The following CACNA1E variants were observed in gnomAD, a reference collection of about 807,000 sequenced individuals.
CACNA1E encodes calcium voltage-gated channel subunit alpha1 E.
Under a neutral mutation model 259.2 loss-of-function variants are expected in CACNA1E, and 40 were observed. The observed-to-expected ratio is 0.15, with a 90% CI of 0.12 to 0.20. CACNA1E has a LOEUF of 0.20. CACNA1E is among the 10% of genes least tolerant of loss of function. CACNA1E has a pLI of 1.00. For missense variants in CACNA1E, 1,874 were observed against 3,040.1 expected, an observed-to-expected ratio of 0.62 and a Z score of 9.02; for synonymous variants, 1,104 against 1,138.5, an observed-to-expected ratio of 0.97 and a Z score of 0.61.
At chr1:181,791,380 G>T (rs1661292862) in intron 44 of CACNA1E, among the ~76,000 whole-genome samples, 1 of 152,232 alleles carries the variant, frequency 6.6e-6, no homozygotes, top group African/African-American at 2.4e-5. Flanking sequence ...GGCTGAGGCA[G>T]GAGAATGGCA....
intron 6 of CACNA1E, among the ~76,000 whole-genome samples, chr1:181,647,685 A>G (rs975569802): frequency 2.6e-5 from 4 of 152,198 alleles, no homozygotes; most frequent in Admixed American, 6.5e-5. Flanking sequence ...TTTAATAATG[A>G]TGAATCAGAA....
intron 3 of CACNA1E, among the ~76,000 whole-genome samples, chr1:181,573,887 C>A (rs910286487): frequency 6.6e-6 from 1 of 152,186 alleles, no homozygotes; most frequent in Non-Finnish European, 1.5e-5. Flanking sequence ...AAATGCCCAT[C>A]AATGATAGAC....
chr1:181,761,264 A>G (rs1237731352), intron 32 of CACNA1E, among the ~76,000 whole-genome samples: 2 of 152,224 alleles, frequency 1.3e-5, no homozygotes, highest in South Asian at 2.1e-4. Context: ...CATTAAATGT[A>G]ACTTCTCTCT....
At chr1:181,606,683 A>T (rs1295059274) in intron 6 of CACNA1E, among the ~76,000 whole-genome samples, 1 of 152,240 alleles carries the variant, frequency 6.6e-6, no homozygotes, top group Non-Finnish European at 1.5e-5. Flanking sequence ...CCCAAAGCTA[A>T]CATGATCCAT....
At chr1:181,470,815 T>C (rs1201430857) in intron 2 of CACNA1E, among the ~76,000 whole-genome samples, 1 of 152,178 alleles carries the variant, frequency 6.6e-6, no homozygotes, top group Non-Finnish European at 1.5e-5. Context: ...CCCCCTGCTC[T>C]TCTACGCTAG....
intron 20 of CACNA1E, 81 bp from the exon 21 acceptor site, chr1:181,733,356 C>G: frequency 7.9e-7 from 1 of 1,273,346 alleles, no homozygotes; most frequent in South Asian, 1.6e-5. Flanking sequence ...CTGAGCTTCC[C>G]CGCCTTCCCC....
At chr1:181,507,990 C>G (rs1254075774) in intron 1 of CACNA1E, among the ~76,000 whole-genome samples, 2 of 152,170 alleles carry the variant, frequency 1.3e-5, no homozygotes, top group Admixed American at 1.3e-4. Flanking sequence ...TCCATCATCC[C>G]TCCTGCCCCA....
chr1:181,590,410 A>ATATATATATAT (rs1489019194), intron 6 of CACNA1E, among the ~76,000 whole-genome samples: 15 of 119,120 alleles, frequency 1.3e-4, no homozygotes, highest in Non-Finnish European at 2.3e-4. Context: ...ACAAAAAAAA[A>ATATATATATAT]AAAAAAATAT....
rs552195516 is a variant in CACNA1E, at chr1:181,629,461, G to A, written c.952-21877G>A. Among the ~76,000 whole-genome samples the A allele has an allele frequency of 3.9e-5, 6 of 152,188 alleles. No individual in the cohort carries two copies. The South Asian group carries it at 1.2e-3, about 32-fold the overall frequency. On this transcript the variant is annotated intron_variant, in intron 6 of 47. Transcript: ENST00000367573. ...CAATCTATATTCATGAAGTAGGAGG[G>A]CACCCCTAAATAAGATTGAGAGGGA...
At chr1:181,412,426 T>C (rs538045590) in intron 1 of CACNA1E, among the ~76,000 whole-genome samples, 15 of 152,122 alleles carry the variant, frequency 9.9e-5, no homozygotes, top group African/African-American at 3.6e-4. Flanking sequence ...AAAAAATTGC[T>C]GGATGTGGTG....
At chr1:181,516,343 C>CCACACACACACACACA (rs3080529) in intron 3 of CACNA1E, among the ~76,000 whole-genome samples, 5 of 143,332 alleles carry the variant, frequency 3.5e-5, no homozygotes, top group African/African-American at 1.0e-4. Context: ...GTGCCAAAGA[C>CCACACACACACACACA]CACACACACA....
chr1:181,758,174 G>A lies in CACNA1E; in HGVS notation c.4494+63G>A, dbSNP rs1353587842. 6.9e-7 allele frequency: 1 copy of A among 1,446,872 alleles called. No homozygotes were observed. Among genetic ancestry groups the A allele is most frequent in the Non-Finnish European group, 9.6e-7 (1 of 1,039,134 alleles). The allele number at this position is 1,446,872 out of a possible 1,614,324, so 89.6% of individuals were successfully genotyped here. On this transcript the variant is annotated intron_variant, in intron 31 of 47. Coordinates refer to ENST00000367573, the MANE Select transcript of CACNA1E (RefSeq NM_001205293.3). The surrounding 1 kb of genome is among the most constrained non-coding windows in gnomAD (Gnocchi z 4.2). ...GCGATGGTTCCCTCCCAGGGCAAGT[G>A]GGAAGACACCCCAACATCCCAGCCC...
intron 6 of CACNA1E, among the ~76,000 whole-genome samples, chr1:181,634,071 A>C (rs1262520882): frequency 1.3e-5 from 2 of 152,180 alleles, no homozygotes; most frequent in Non-Finnish European, 2.9e-5. Context: ...ATTAATGTGG[A>C]CCGATCATGC....
intron 12 of CACNA1E, among the ~76,000 whole-genome samples, chr1:181,719,375 A>G (rs1359288534): frequency 6.6e-6 from 1 of 152,222 alleles, no homozygotes; most frequent in Non-Finnish European, 1.5e-5. Flanking sequence ...TTTTAGGATG[A>G]TGAGAGAATG....
chr1:181,623,061 A>G (rs1234129203), intron 6 of CACNA1E, among the ~76,000 whole-genome samples: 1 of 152,192 alleles, frequency 6.6e-6, no homozygotes, highest in African/African-American at 2.4e-5. Flanking sequence ...GGACACAATG[A>G]TTATTAATCA....
chr1:181,800,777 T>G lies in CACNA1E; in HGVS notation c.*1943T>G, dbSNP rs1662213832. 1 of 152,438 alleles carries G rather than the reference T, an allele frequency of 6.6e-6. No homozygotes were observed. Among genetic ancestry groups the G allele is most frequent in the Admixed American group, 6.6e-5 (1 of 15,264 alleles). The allele number at this position is 152,438 out of a possible 1,614,324, so 9.4% of individuals were successfully genotyped here. ...GCTGCATCAGCCCTGAAAAGCCAAATTCAACCACATGGCTGGAGAATCATT... is the reference window on the plus strand; with the variant it reads ...GCTGCATCAGCCCTGAAAAGCCAAAGTCAACCACATGGCTGGAGAATCATT... On this transcript the variant is annotated 3_prime_UTR_variant, in exon 48 of 48. Coordinates refer to ENST00000367573, the MANE Select transcript of CACNA1E (RefSeq NM_001205293.3).
At chr1:181,624,759 A>G (rs1023620336) in intron 6 of CACNA1E, among the ~76,000 whole-genome samples, 10 of 152,154 alleles carry the variant, frequency 6.6e-5, no homozygotes, top group African/African-American at 2.4e-4. Flanking sequence ...TATTTTTACC[A>G]CTTCCCATGA....
chr1:181,590,087 C>G (rs1652478213), intron 6 of CACNA1E, among the ~76,000 whole-genome samples: 1 of 152,058 alleles, frequency 6.6e-6, no homozygotes, highest in African/African-American at 2.4e-5. Context: ...GCCTCCAGTT[C>G]CCTATGTTGC....
intron 35 of CACNA1E, among the ~76,000 whole-genome samples, chr1:181,769,745 T>C (rs1400895431): frequency 6.6e-6 from 1 of 152,062 alleles, no homozygotes; most frequent in Non-Finnish European, 1.5e-5. Flanking sequence ...AGAAGTGTCA[T>C]AGGGAAAAAA....
Sources: gnomAD v4.1 joint callset for allele counts (sites outside exome capture counted in the v4.1 genomes callset) on GRCh38, gnomAD v4.1.1 for gene constraint, Gnocchi (gnomAD v3.1) non-coding constraint, MANE v1.5 for transcripts, NCBI Gene and HGNC (gene_info 2026-07-23, HGNC 2026-07-21) for gene names.